HECW2: variants seen among roughly 807,000 people sequenced by gnomAD.
The protein encoded by HECW2 is HECT, C2 and WW domain containing E3 ubiquitin protein ligase 2.
HECW2 carries 61 observed loss-of-function variants against 175.2 expected under a neutral mutation model. The ratio of observed to expected loss-of-function variants is 0.35; its 90% CI spans 0.28 to 0.43. The LOEUF is 0.43. Among genes scored for constraint, HECW2 ranks in the 20% least tolerant of loss-of-function variants. HECW2 has a pLI of 1.00. For synonymous variants in HECW2, 671 were observed against 731.0 expected, an observed-to-expected ratio of 0.92 and a Z score of 1.32; for missense variants, 1,524 against 2,000.5, an observed-to-expected ratio of 0.76 and a Z score of 4.54.
At chr2:196,303,983 T>C (rs1691167354) in intron 13 of HECW2, among the ~76,000 whole-genome samples, 1 of 152,246 alleles carries the variant, frequency 6.6e-6, no homozygotes, top group African/African-American at 2.4e-5. Flanking sequence ...CTTACCACAG[T>C]AGCTTTTCAC....
chr2:196,258,593 G>GT (rs1689160301), intron 17 of HECW2, among the ~76,000 whole-genome samples: 1 of 152,062 alleles, frequency 6.6e-6, no homozygotes, highest in African/African-American at 2.4e-5. Flanking sequence ...TGTGATACCA[G>GT]CTTTTTTCTT....
At chr2:196,357,636 T>TCC (rs1693424129) in intron 2 of HECW2, among the ~76,000 whole-genome samples, 1 of 152,106 alleles carries the variant, frequency 6.6e-6, no homozygotes, top group Non-Finnish European at 1.5e-5. Context: ...CAAATTGTAA[T>TCC]CCCCATGTGC....
chr2:196,417,988 T>G (rs1272822584), intron 2 of HECW2, among the ~76,000 whole-genome samples: 1 of 152,234 alleles, frequency 6.6e-6, no homozygotes, highest in Admixed American at 6.5e-5. Context: ...GTTAGTTAAT[T>G]TAATGTAAAT....
intron 26 of HECW2, among the ~76,000 whole-genome samples, chr2:196,219,737 T>C (rs959696788): frequency 6.6e-6 from 1 of 152,236 alleles, no homozygotes; most frequent in African/African-American, 2.4e-5. Context: ...GTTAGCTCCT[T>C]GGTGCTTCAC....
chr2:196,560,923 G>A (rs1347316147), intron 1 of HECW2, among the ~76,000 whole-genome samples: 2 of 152,140 alleles, frequency 1.3e-5, no homozygotes, highest in Non-Finnish European at 2.9e-5. Flanking sequence ...ACCCTGTGAT[G>A]ATTGCATTAA....
intron 5 of HECW2, among the ~76,000 whole-genome samples, chr2:196,326,681 A>C (rs1442845555): frequency 6.6e-6 from 1 of 152,056 alleles, no homozygotes; most frequent in African/African-American, 2.4e-5. Flanking sequence ...TGACCTCATG[A>C]CCTGCCCACC....
At chr2:196,521,087 G>A (rs982318107) in intron 1 of HECW2, among the ~76,000 whole-genome samples, 5 of 152,058 alleles carry the variant, frequency 3.3e-5, no homozygotes, top group South Asian at 4.2e-4. Flanking sequence ...ACAAGCTAAC[G>A]TAGTAGGTAC....
intron 15 of HECW2, among the ~76,000 whole-genome samples, chr2:196,278,315 C>T (rs1690054597): frequency 6.8e-6 from 1 of 147,742 alleles, no homozygotes; most frequent in Non-Finnish European, 1.5e-5. Flanking sequence ...GTCAGTTTTG[C>T]CTCATATATC....
At chr2:196,341,857 A>G (rs957473633) in intron 3 of HECW2, among the ~76,000 whole-genome samples, 1 of 152,246 alleles carries the variant, frequency 6.6e-6, no homozygotes, top group Non-Finnish European at 1.5e-5. Flanking sequence ...CTTTAATGGC[A>G]ATTCAAAGTA....
chr2:196,416,122 T>C (rs932985915), intron 2 of HECW2, among the ~76,000 whole-genome samples: 2 of 152,366 alleles, frequency 1.3e-5, no homozygotes, highest in Non-Finnish European at 2.9e-5. Flanking sequence ...GACACTTGCA[T>C]TGGTCACACT....
chr2:196,521,632 C>G (rs1338111670), intron 1 of HECW2, among the ~76,000 whole-genome samples: 2 of 121,944 alleles, frequency 1.6e-5, no homozygotes, highest in African/African-American at 6.0e-5. Context: ...TCCCTCCCCC[C>G]TCCCCCCACC....
Position 196,524,782 on chromosome 2 carries a change from C to A in HECW2, c.-36+68726G>T, listed in dbSNP as rs561997261. ...GTTGTTCAGTTTCCATGCAGTTGAGCGGCTTTGAGTGAGATTCTTAATCCT... is the reference window on the plus strand; with the variant it reads ...GTTGTTCAGTTTCCATGCAGTTGAGAGGCTTTGAGTGAGATTCTTAATCCT... On this transcript the variant is annotated intron_variant, in intron 1 of 28. Coordinates refer to ENST00000644978, the MANE Select transcript of HECW2 (RefSeq NM_001348768.2). 1.3e-4 allele frequency among the ~76,000 whole-genome samples: 16 copies of A among 119,542 alleles called. 3 individuals are homozygous for A. The South Asian group carries it at 3.1e-3, about 23-fold the overall frequency. The allele number at this position is 119,542 out of a possible 152,430, so 78.4% of individuals were successfully genotyped here. A position where few individuals can be genotyped will look rare whatever the true frequency, so the allele number is the denominator to read the frequency against.
chr2:196,308,515 T>A (rs1691357404), intron 10 of HECW2, among the ~76,000 whole-genome samples: 1 of 152,194 alleles, frequency 6.6e-6, no homozygotes, highest in African/African-American at 2.4e-5. Context: ...GCTGGAGACT[T>A]CCACACGCAT....
intron 1 of HECW2, among the ~76,000 whole-genome samples, chr2:196,479,428 A>G (rs137923403): frequency 1.3e-5 from 2 of 152,306 alleles, no homozygotes; most frequent in African/African-American, 4.8e-5. Flanking sequence ...ATTTGGGTGG[A>G]ACAGTTCTTC....
intron 2 of HECW2, among the ~76,000 whole-genome samples, chr2:196,404,055 C>A (rs542688191): frequency 2.6e-5 from 4 of 152,248 alleles, no homozygotes; most frequent in Admixed American, 2.6e-4. Flanking sequence ...GGTTGGCTAA[C>A]CATGTTATAC....
At chr2:196,372,834 C>T (rs2105905484) in intron 2 of HECW2, among the ~76,000 whole-genome samples, 1 of 152,282 alleles carries the variant, frequency 6.6e-6, no homozygotes, top group South Asian at 2.1e-4. Context: ...AACTCTCTGA[C>T]AGCTTGTAGG....
At chr2:196,274,454 T>C (rs1689864087) in intron 15 of HECW2, among the ~76,000 whole-genome samples, 2 of 152,246 alleles carry the variant, frequency 1.3e-5, no homozygotes, top group African/African-American at 2.4e-5. Flanking sequence ...GACTAACTTC[T>C]GCATTGACAG....
At chr2:196,294,512 A>G (rs1690733809) in intron 13 of HECW2, among the ~76,000 whole-genome samples, 1 of 152,086 alleles carries the variant, frequency 6.6e-6, no homozygotes, top group South Asian at 2.1e-4. Flanking sequence ...TTTAGTCTAA[A>G]CTTTATGGGT....
chr2:196,230,618 C>G (rs1366118892), intron 21 of HECW2, among the ~76,000 whole-genome samples: 1 of 152,176 alleles, frequency 6.6e-6, no homozygotes, highest in African/African-American at 2.4e-5. Flanking sequence ...GAGGTCTTCT[C>G]AGCACAGAGC....
Sources: allele counts gnomAD v4.1 joint callset (sites outside exome capture counted in the v4.1 genomes callset), GRCh38; gene constraint gnomAD v4.1.1; transcripts MANE v1.5; gene names NCBI Gene and HGNC (gene_info 2026-07-23, HGNC 2026-07-21).